SCMH1: variants seen among roughly 807,000 people sequenced by gnomAD.
SCMH1 encodes the protein polycomb protein SCMH1.
Under a neutral mutation model 70.8 loss-of-function variants are expected in SCMH1, and 37 were observed. That is an observed-to-expected ratio of 0.52 (90% CI 0.40 to 0.69). The LOEUF (loss-of-function observed/expected upper bound fraction) is 0.69. SCMH1 is among the 30% of genes least tolerant of loss of function. The pLI, the probability that SCMH1 is intolerant of heterozygous loss-of-function variation, is 0.00. For synonymous variants in SCMH1, 292 were observed against 307.4 expected (o/e 0.95, Z 0.52); for missense variants, 607 against 827.3 (o/e 0.73, Z 3.27).
intron 1 of SCMH1, among the ~76,000 whole-genome samples, chr1:41,232,767 T>G (rs142885700): frequency 6.6e-6 from 1 of 152,232 alleles, no homozygotes; most frequent in Non-Finnish European, 1.5e-5. Flanking sequence ...CAGTACATTA[T>G]ATAGAGTAGG....
chr1:41,034,205 G>A (rs559557458), intron 13 of SCMH1, among the ~76,000 whole-genome samples, 157 bp from the exon 14 acceptor site: 1 of 130,066 alleles, frequency 7.7e-6, no homozygotes, highest in East Asian at 2.8e-4. Context: ...CTACTTGAGA[G>A]CCCTTTAGAT....
intron 2 of SCMH1, among the ~76,000 whole-genome samples, chr1:41,162,273 C>G (rs1646098040): frequency 6.6e-6 from 1 of 152,156 alleles, no homozygotes; most frequent in Admixed American, 6.5e-5. Flanking sequence ...CTGTTCTGAT[C>G]TTGGAGCAAA....
At chr1:41,149,151 C>T (rs1308601931) in intron 5 of SCMH1, among the ~76,000 whole-genome samples, 2 of 152,052 alleles carry the variant, frequency 1.3e-5, no homozygotes, top group Non-Finnish European at 2.9e-5. Flanking sequence ...TTCTATCCCC[C>T]ATCACTTCTC....
At chr1:41,223,084 T>C (rs1659613606) in intron 1 of SCMH1, among the ~76,000 whole-genome samples, 1 of 152,180 alleles carries the variant, frequency 6.6e-6, no homozygotes, top group East Asian at 1.9e-4. Context: ...TAGTCCTAAA[T>C]CCCTGTCGGA....
At chr1:41,099,029 G>A (rs1036756463) in intron 8 of SCMH1, 1 of 255,818 alleles carries the variant, frequency 3.9e-6, no homozygotes. Context: ...TGACACTGAT[G>A]TGGTCAACAC....
intron 6 of SCMH1, among the ~76,000 whole-genome samples, chr1:41,139,868 A>C (rs1643888553): frequency 6.6e-6 from 1 of 152,164 alleles, no homozygotes; most frequent in African/African-American, 2.4e-5. Context: ...TATATATTTC[A>C]GAATTATATA....
chr1:41,128,289 C>T (rs1673722290), intron 6 of SCMH1, among the ~76,000 whole-genome samples: 1 of 151,966 alleles, frequency 6.6e-6, no homozygotes, highest in Non-Finnish European at 1.5e-5. Flanking sequence ...TCCATTTTTT[C>T]CATGTTATCA....
At chr1:41,068,762 C>A in intron 10 of SCMH1, among the ~76,000 whole-genome samples, 1 of 151,950 alleles carries the variant, frequency 6.6e-6, no homozygotes, top group African/African-American at 2.4e-5. Flanking sequence ...AAAATATATC[C>A]AAAGTGAAAT....
At chr1:41,150,763 C>G (rs1644998889) in intron 5 of SCMH1, among the ~76,000 whole-genome samples, 2 of 151,018 alleles carry the variant, frequency 1.3e-5, no homozygotes, top group Non-Finnish European at 3.0e-5. Context: ...GGTGAAACCC[C>G]GTCTCTATTA....
intron 2 of SCMH1, among the ~76,000 whole-genome samples, chr1:41,167,518 G>A (rs1249850920): frequency 6.6e-6 from 1 of 152,118 alleles, no homozygotes; most frequent in Non-Finnish European, 1.5e-5. Flanking sequence ...TTTGATTGGA[G>A]ACTTTTAATT....
intron 1 of SCMH1, among the ~76,000 whole-genome samples, chr1:41,198,603 T>G (rs1256916950): frequency 6.6e-6 from 1 of 152,112 alleles, no homozygotes; most frequent in African/African-American, 2.4e-5. Context: ...ATAGTTAAGA[T>G]AAAAACAATA....
chr1:41,211,332 C>T lies in SCMH1; in HGVS notation c.-117-25082G>A, dbSNP rs140770593. Among the ~76,000 whole-genome samples, 7 of 152,262 alleles carry T rather than the reference C, an allele frequency of 4.6e-5. No homozygotes were observed. In the East Asian group the frequency reaches 1.4e-3, roughly 29 times the overall value. On this transcript the variant is annotated intron_variant, in intron 1 of 14. Transcript: ENST00000337495. The stretch of plus-strand genomic sequence containing the variant: ...AACAAATTTACAAGAAAAAAACAAA[C>T]AACCCCATCAAAAAGTGGGCAAAGG...
intron 6 of SCMH1, among the ~76,000 whole-genome samples, chr1:41,122,538 A>T (rs1343428540): frequency 6.6e-6 from 1 of 152,194 alleles, no homozygotes; most frequent in African/African-American, 2.4e-5. Flanking sequence ...ATTAAGGAAA[A>T]AACCCTCCAT....
chr1:41,118,206 A>G (rs760392372), intron 6 of SCMH1, among the ~76,000 whole-genome samples: 7 of 152,234 alleles, frequency 4.6e-5, no homozygotes, highest in Non-Finnish European at 8.8e-5. Flanking sequence ...AATGAGGCAC[A>G]TAAGAGAGAA....
intron 2 of SCMH1, chr1:41,185,904 C>A: frequency 2.8e-6 from 1 of 359,378 alleles, no homozygotes. Context: ...GAATTACAGG[C>A]ATGAGCCACC....
chr1:41,042,621 G>A (rs551474199), intron 12 of SCMH1, among the ~76,000 whole-genome samples: 10 of 152,074 alleles, frequency 6.6e-5, no homozygotes, highest in African/African-American at 2.4e-4. Context: ...ACTCTGCTCT[G>A]ACATTGCCTC....
At chr1:41,152,528 T>C in intron 4 of SCMH1, 1 of 1,510,546 alleles carries the variant, frequency 6.6e-7, no homozygotes, top group Non-Finnish European at 9.2e-7. Flanking sequence ...CAGACCTCAT[T>C]GGATCACTAA....
intron 6 of SCMH1, among the ~76,000 whole-genome samples, chr1:41,131,382 T>C (rs1016150622): frequency 6.6e-5 from 10 of 152,166 alleles, no homozygotes; most frequent in African/African-American, 2.4e-4. Flanking sequence ...GGGTCCCTTA[T>C]AAGAATTTTA....
intron 10 of SCMH1, among the ~76,000 whole-genome samples, chr1:41,051,567 T>C (rs1648161224): frequency 6.6e-6 from 1 of 152,222 alleles, no homozygotes; most frequent in Non-Finnish European, 1.5e-5. Flanking sequence ...GTGACATTGA[T>C]GATCCTGATC....
Sources: gnomAD v4.1 joint callset for allele counts (sites outside exome capture counted in the v4.1 genomes callset) on GRCh38, gnomAD v4.1.1 for gene constraint, MANE v1.5 for transcripts, NCBI Gene and HGNC (gene_info 2026-07-23, HGNC 2026-07-21) for gene names.